FSTL5: variants seen among roughly 807,000 people sequenced by gnomAD.
FSTL5 encodes follistatin like 5, also known as follistatin-related protein 5.
A neutral mutation model predicts 89.1 loss-of-function variants in FSTL5; 62 were observed. The ratio of observed to expected loss-of-function variants is 0.70; its 90% confidence interval spans 0.57 to 0.86. The LOEUF is 0.86. Ranked by LOEUF, FSTL5 falls within the 40% of genes least tolerant of loss-of-function variation. The probability of loss-of-function intolerance (pLI) is 0.00; values close to 1 mark genes in which losing one functional copy is unlikely to be tolerated. For synonymous variants in FSTL5, 383 were observed against 346.2 expected (o/e 1.11, Z -1.18); for missense variants, 1,057 against 1,001.6 (o/e 1.06, Z -0.75).
chr4:161,824,225 C>T (rs1446579371), intron 4 of FSTL5, among the ~76,000 whole-genome samples: 1 of 152,166 alleles, frequency 6.6e-6, no homozygotes, highest in Non-Finnish European at 1.5e-5. Context: ...CATTCTTCTA[C>T]ATGTAGCTTG....
chr4:161,782,395 C>T (rs1380094668), intron 4 of FSTL5, among the ~76,000 whole-genome samples: 2 of 152,108 alleles, frequency 1.3e-5, no homozygotes, highest in Admixed American at 1.3e-4. Context: ...CATATCCTTG[C>T]CAGGATTTGG....
chr4:161,852,983 C>T (rs761467658), intron 4 of FSTL5, among the ~76,000 whole-genome samples: 1 of 152,142 alleles, frequency 6.6e-6, no homozygotes, highest in Non-Finnish European at 1.5e-5. Context: ...TGCATGTACC[C>T]CTGAACTTCA....
At chr4:161,837,548 T>A (rs1731085838) in intron 4 of FSTL5, among the ~76,000 whole-genome samples, 1 of 152,038 alleles carries the variant, frequency 6.6e-6, no homozygotes, top group Non-Finnish European at 1.5e-5. Context: ...AAATTTAAAA[T>A]AATGAAATTA....
At chr4:161,703,653 A>T (rs1738476040) in intron 6 of FSTL5, among the ~76,000 whole-genome samples, 2 of 152,140 alleles carry the variant, frequency 1.3e-5, no homozygotes, top group Admixed American at 1.3e-4. Flanking sequence ...CCAACCATGA[A>T]ATTGATTCTG....
intron 15 of FSTL5, among the ~76,000 whole-genome samples, chr4:161,444,427 A>G (rs1312170423): frequency 6.6e-6 from 1 of 151,804 alleles, no homozygotes; most frequent in Admixed American, 6.6e-5. Flanking sequence ...GAAGGTCTCA[A>G]AGGAGCTGGA....
intron 4 of FSTL5, among the ~76,000 whole-genome samples, chr4:161,876,045 C>T (rs1732431349): frequency 1.3e-5 from 2 of 152,034 alleles, no homozygotes; most frequent in Admixed American, 1.3e-4. Context: ...TAACAACACT[C>T]ATAAAGATGT....
chr4:161,677,037 C>T (rs1737329869), intron 6 of FSTL5, among the ~76,000 whole-genome samples: 1 of 150,146 alleles, frequency 6.7e-6, no homozygotes, highest in Non-Finnish European at 1.5e-5. Flanking sequence ...TACAATTCCC[C>T]TTTCTTTCTT....
chr4:161,467,908 G>A (rs1416650153), intron 13 of FSTL5, among the ~76,000 whole-genome samples: 2 of 151,984 alleles, frequency 1.3e-5, no homozygotes, highest in Admixed American at 6.6e-5. Context: ...TATAAAGCTT[G>A]AGGTAGTTAT....
chr4:161,981,007 G>C (rs1735813736), intron 3 of FSTL5, among the ~76,000 whole-genome samples: 1 of 151,992 alleles, frequency 6.6e-6, no homozygotes, highest in Non-Finnish European at 1.5e-5. Flanking sequence ...TGATCTGCCT[G>C]CCTTGGCCTC....
intron 6 of FSTL5, among the ~76,000 whole-genome samples, chr4:161,675,785 C>T (rs561145396): frequency 6.6e-5 from 10 of 151,862 alleles, no homozygotes; most frequent in Middle Eastern, 3.5e-3. Flanking sequence ...GCTAATGAGA[C>T]GCTATCTGAT....
chr4:161,647,241 A>T (rs548226346), intron 7 of FSTL5, among the ~76,000 whole-genome samples: 8 of 152,152 alleles, frequency 5.3e-5, no homozygotes, highest in Non-Finnish European at 7.4e-5. Flanking sequence ...TCTCAACAAG[A>T]TTTGTTGAAG....
chr4:161,502,574 T>A (rs552574666), intron 11 of FSTL5, among the ~76,000 whole-genome samples: 93 of 152,054 alleles, frequency 6.1e-4, no homozygotes, highest in Middle Eastern at 6.8e-3. Context: ...AATAAATGCC[T>A]ATATACTGGT....
chr4:161,892,324 T>G (rs112976562), intron 4 of FSTL5, among the ~76,000 whole-genome samples: 2 of 152,160 alleles, frequency 1.3e-5, no homozygotes, highest in African/African-American at 4.8e-5. Context: ...TAAGGTTAAA[T>G]TGTTTTAGGG....
At chr4:161,755,117 T>C (rs944515525) in intron 6 of FSTL5, among the ~76,000 whole-genome samples, 2 of 151,984 alleles carry the variant, frequency 1.3e-5, no homozygotes, top group African/African-American at 2.4e-5. Flanking sequence ...TGGATCCTAT[T>C]AAATAGCTTT....
At chr4:161,961,472 A>G (rs150583062) in intron 3 of FSTL5, among the ~76,000 whole-genome samples, 193 of 152,028 alleles carry the variant, frequency 1.3e-3, no homozygotes, top group African/African-American at 4.4e-3. Context: ...CTTGGTCCCA[A>G]AGAAGTAATT....
chr4:162,147,840 C>T (rs1205168953), intron 1 of FSTL5, among the ~76,000 whole-genome samples: 2 of 151,962 alleles, frequency 1.3e-5, no homozygotes, highest in African/African-American at 2.4e-5. Context: ...CCCATCTCTA[C>T]TAAAACTACA....
intron 3 of FSTL5, among the ~76,000 whole-genome samples, chr4:161,964,188 A>T (rs1384591124): frequency 1.3e-5 from 2 of 151,958 alleles, no homozygotes; most frequent in African/African-American, 4.8e-5. Flanking sequence ...TTGTAATATT[A>T]AGAATGTCTC....
At chr4:161,756,826 A>G (rs927023091) in intron 6 of FSTL5, among the ~76,000 whole-genome samples, 3 of 152,156 alleles carry the variant, frequency 2.0e-5, no homozygotes, top group African/African-American at 7.2e-5. Flanking sequence ...CACCAACAAT[A>G]ACTGTATTTT....
intron 1 of FSTL5, among the ~76,000 whole-genome samples, chr4:162,151,401 T>G (rs568884143): frequency 1.3e-4 from 20 of 152,294 alleles, no homozygotes; most frequent in African/African-American, 4.8e-4. Flanking sequence ...TTCTGAAGAC[T>G]GATATTCTCT....
Sources: allele counts gnomAD v4.1 joint callset (sites outside exome capture counted in the v4.1 genomes callset), GRCh38; gene constraint gnomAD v4.1.1; transcripts MANE v1.5; gene names NCBI Gene and HGNC (gene_info 2026-07-23, HGNC 2026-07-21).